DNAAF4: variants seen among roughly 807,000 people sequenced by gnomAD.
DNAAF4 encodes dynein axonemal assembly factor 4, also known as dynein assembly factor 4, axonemal.
In DNAAF4, 43 loss-of-function variants were observed where a neutral mutation model predicts 51.8. The observed-to-expected ratio is 0.83, with a 90% confidence interval of 0.65 to 1.07. DNAAF4 has a LOEUF of 1.07. Among genes scored for constraint, DNAAF4 ranks in the 50% least tolerant of loss-of-function variants. DNAAF4 has a pLI of 0.00. For missense variants in DNAAF4, 581 were observed against 493.0 expected, an observed-to-expected ratio of 1.18 and a Z score of -1.69; for synonymous variants, 194 against 165.6, an observed-to-expected ratio of 1.17 and a Z score of -1.32.
In DNAAF4 at chr15:55,430,778, G is replaced by T. The variant is rs1203471129; in HGVS notation, c.1155C>A (p.Gly385=). 3 of 1,608,608 alleles carry T rather than the reference G, an allele frequency of 1.9e-6. No homozygotes were observed. The highest frequency in any genetic ancestry group is 2.6e-6 in the Non-Finnish European group (3 of 1,175,962). ...AFCQLELYVE[G]LQDYEAALKI... ...TAAGTGCCGCTTCATAATCCTGTAGGCCTGTGTTTATATAGCAATGATGAT... is the reference window on the plus strand; with the variant it reads ...TAAGTGCCGCTTCATAATCCTGTAGTCCTGTGTTTATATAGCAATGATGAT... The change falls in exon 10 of 10, where the codon GGC becomes GGA. Residue 385 remains glycine (G), a splice_region_variant and synonymous_variant. Coordinates refer to ENST00000321149, the MANE Select transcript of DNAAF4 (RefSeq NM_130810.4).
At chr15:55,498,082 T>A in intron 2 of DNAAF4, 125 bp downstream of exon 2, 1 of 1,515,178 alleles carries the variant, frequency 6.6e-7, no homozygotes. Context: ...TTCATTTTTT[T>A]AATAGGATTA....
chr15:55,482,106 G>A (rs560535881), intron 4 of DNAAF4, among the ~76,000 whole-genome samples: 5 of 152,214 alleles, frequency 3.3e-5, no homozygotes, highest in East Asian at 3.9e-4. Flanking sequence ...CTGCACTTTC[G>A]TTGTTTTGTT....
chr15:55,484,133 T>C (rs2058452747), intron 4 of DNAAF4, among the ~76,000 whole-genome samples: 1 of 151,940 alleles, frequency 6.6e-6, no homozygotes, highest in Non-Finnish European at 1.5e-5. Context: ...TTGCACACTG[T>C]GATGAAAACA....
intron 6 of DNAAF4, among the ~76,000 whole-genome samples, chr15:55,443,871 T>A (rs920878980): frequency 1.3e-5 from 2 of 152,236 alleles, no homozygotes; most frequent in African/African-American, 2.4e-5. Flanking sequence ...GTTCATATCC[T>A]TCACCCATGT....
chr15:55,424,620 T>C (rs573994717), intron 7 of DNAAF4, among the ~76,000 whole-genome samples: 1 of 152,220 alleles, frequency 6.6e-6, no homozygotes. Flanking sequence ...TAGAGTGCAG[T>C]GGCACGATCT....
chr15:55,447,218 G>A (rs572542732), intron 6 of DNAAF4, among the ~76,000 whole-genome samples: 25 of 151,136 alleles, frequency 1.7e-4, no homozygotes, highest in African/African-American at 5.8e-4. Flanking sequence ...TCCCAGACGG[G>A]GCAGCCGGGC....
chr15:55,447,937 A>T (rs1187921712), intron 6 of DNAAF4, among the ~76,000 whole-genome samples: 2 of 151,744 alleles, frequency 1.3e-5, no homozygotes, highest in Admixed American at 6.6e-5. Context: ...AACTTCCAAC[A>T]CTATGCTGTG....
chr15:55,464,936 CAA>C (rs968171227), intron 5 of DNAAF4, among the ~76,000 whole-genome samples: 5 of 152,158 alleles, frequency 3.3e-5, no homozygotes, highest in Non-Finnish European at 7.3e-5. Context: ...GCCTGGGCAA[CAA>C]GAGCGAAATT....
chr15:55,418,432 C>A, intron 7 of DNAAF4: 1 of 1,525,034 alleles, frequency 6.6e-7, no homozygotes, highest in Non-Finnish European at 8.8e-7. Context: ...CACAGTTTTT[C>A]CCCTGCAATT....
rs1209754897 is a variant in DNAAF4 at position 55,473,198 on chromosome 15, A to AAATATAT, written c.406-6038_406-6037insATATATT. Among the ~76,000 whole-genome samples the AAATATAT allele has an allele frequency of 1.0e-3, 77 of 75,742 alleles. 6 individuals are homozygous for AAATATAT. Among genetic ancestry groups the AAATATAT allele is most frequent in the African/African-American group, 3.4e-3 (63 of 18,678 alleles). 49.7% of individuals were successfully genotyped at this position (75,742 alleles called of 152,430 possible). Reference sequence around the variant, plus strand: ...ACAAAAAAAAAACCTAAAAAAAAAAAATATATATATATATATATATATATG... The same window carrying AAATATAT: ...ACAAAAAAAAAACCTAAAAAAAAAAAAATATATATATATATATATATATATATATATG... On this transcript the variant is annotated intron_variant, in intron 4 of 9. Transcript: ENST00000321149.
At chr15:55,441,083 T>C (rs981145494) in intron 6 of DNAAF4, among the ~76,000 whole-genome samples, 2 of 152,152 alleles carry the variant, frequency 1.3e-5, no homozygotes, top group Admixed American at 6.5e-5. Flanking sequence ...TATTAATTTT[T>C]TTTTTTCTGA....
In DNAAF4 at chr15:55,443,346, GCTC is replaced by G. The variant is rs1428688980; in HGVS notation, c.784-3768_784-3766del. 4.6e-6 allele frequency: 4 copies of G among 869,854 alleles called. No individual in the cohort carries two copies. In the African/African-American group the frequency reaches 6.8e-5, roughly 15 times the overall value. The allele number at this position is 869,854 out of a possible 1,614,324, so 53.9% of individuals were successfully genotyped here. A position where few individuals can be genotyped will look rare whatever the true frequency, so the allele number is the denominator to read the frequency against. On this transcript the variant is annotated intron_variant, in intron 6 of 9. Transcript: ENST00000321149. ...CCAGCGTGCGGAGGCGCCTGGCGCA[GCTC>G]CTCAGCATGGCTCAGGGCCGTGCAG...
At chr15:55,488,523 G>C (rs1383869054) in intron 4 of DNAAF4, among the ~76,000 whole-genome samples, 1 of 152,068 alleles carries the variant, frequency 6.6e-6, no homozygotes, top group Non-Finnish European at 1.5e-5. Context: ...GTTTGCTACG[G>C]GTACATAGTA....
At chr15:55,466,845 T>A in intron 5 of DNAAF4, 85 bp downstream of exon 5, 1 of 1,503,512 alleles carries the variant, frequency 6.7e-7, no homozygotes, top group Non-Finnish European at 9.0e-7. Context: ...AACCTAATGC[T>A]GTGAATAGAT....
rs375381061 is a variant in DNAAF4, at chr15:55,466,987, T to C, written c.580A>G (p.Lys194Glu). 2 of 1,582,944 alleles carry C rather than the reference T, an allele frequency of 1.3e-6. No homozygotes were observed. Among genetic ancestry groups the C allele is most frequent in the African/African-American group, 1.4e-5 (1 of 72,676 alleles). The change falls in exon 5 of 10, where the codon AAA becomes GAA. Residue 194 changes from lysine to glutamate, a missense_variant. Coordinates refer to ENST00000321149, the MANE Select transcript of DNAAF4 (RefSeq NM_130810.4). ...CTAGTAAGACTCTTATATTTTATTT[T>C]TTTTCTTTCTTCTTTAATTTGCTTT... is the stretch of plus-strand genomic sequence containing the variant. Reference protein sequence around the residue: ...KEKQIKEERKKIKYKSLTRNL... With the variant: ...KEKQIKEERKEIKYKSLTRNL...
At chr15:55,418,755 G>A (rs2057360764) in intron 7 of DNAAF4, 1 of 492,780 alleles carries the variant, frequency 2.0e-6, no homozygotes, top group African/African-American at 2.0e-5. Context: ...GTTCAAAATA[G>A]CAAAATAAAA....
chr15:55,453,981 A>C (rs2057978324), intron 5 of DNAAF4, among the ~76,000 whole-genome samples: 1 of 152,192 alleles, frequency 6.6e-6, no homozygotes, highest in South Asian at 2.1e-4. Context: ...TATTATACAG[A>C]AAATAGCTGA....
rs868301949 is a variant in DNAAF4 at position 55,445,602 on chromosome 15, C to T, written c.783+4620G>A. 8.3e-4 allele frequency among the ~76,000 whole-genome samples: 126 copies of T among 151,814 alleles called. 1 individual carries two copies. Among genetic ancestry groups the T allele is most frequent in the Middle Eastern group, 6.8e-3 (2 of 294 alleles). On this transcript the variant is annotated intron_variant, in intron 6 of 9. Coordinates refer to ENST00000321149, the MANE Select transcript of DNAAF4 (RefSeq NM_130810.4). The stretch of plus-strand genomic sequence containing the variant: ...CCCAGATGGGGCGGCCAGGCAGAGG[C>T]GCTCCTCGCCTCCCAGATGGGGCGG...
intron 8 of DNAAF4, among the ~76,000 whole-genome samples, chr15:55,433,914 T>TATATATATAA (rs1348132665): frequency 5.3e-5 from 1 of 19,026 alleles, no homozygotes; most frequent in African/African-American, 1.5e-4. Context: ...TTATATATAA[T>TATATATATAA]TATATATATT....
Sources: allele counts gnomAD v4.1 joint callset (sites outside exome capture counted in the v4.1 genomes callset), GRCh38; gene constraint gnomAD v4.1.1; transcripts MANE v1.5; gene names NCBI Gene and HGNC (gene_info 2026-07-23, HGNC 2026-07-21).